Variants in CHST7 observed in about 807,000 individuals in gnomAD.
CHST7 encodes N-acetylglucosamine 6-O-sulfotransferase 4.
CHST7 carries 5 observed loss-of-function variants against 9.0 expected under a neutral mutation model. The ratio of observed to expected loss-of-function variants is 0.56; its 90% CI spans 0.29 to 1.17. The LOEUF (loss-of-function observed/expected upper bound fraction) is 1.17. Ranked by LOEUF, CHST7 falls within the 50% of genes most tolerant of loss-of-function variation. The pLI is 0.08. For missense variants in CHST7, 377 were observed against 485.1 expected, an observed-to-expected ratio of 0.78 and a Z score of 2.09; for synonymous variants, 244 against 237.1, an observed-to-expected ratio of 1.03 and a Z score of -0.27.
chrX:46,587,137 G>A (rs1358228308), intron 1 of CHST7, among the ~76,000 whole-genome samples: 1 of 111,539 alleles, frequency 9.0e-6, no homozygotes, highest in Non-Finnish European at 1.9e-5. Flanking sequence ...AAACTGGAGA[G>A]ATGTTATTAT....
chrX:46,597,045 T>A (rs149536750), intron 1 of CHST7, among the ~76,000 whole-genome samples: 215 of 112,008 alleles, frequency 1.9e-3, no homozygotes, highest in African/African-American at 6.6e-3. Flanking sequence ...TTTTAAATCA[T>A]CTTGAAACTG....
chrX:46,582,123 A>G (rs1003369564), intron 1 of CHST7, among the ~76,000 whole-genome samples: 12 of 111,382 alleles, frequency 1.1e-4, no homozygotes, highest in Admixed American at 1.9e-4. Flanking sequence ...TTTAATAGCT[A>G]TATTGTATTT....
rs1262854563 is a variant in CHST7 at position 46,573,928 on chromosome X, A to T, written c.-4A>T. The T allele has an allele frequency of 8.7e-7, 1 of 1,155,737 alleles. No homozygotes were observed. Among genetic ancestry groups the T allele is most frequent in the Non-Finnish European group, 1.1e-6 (1 of 872,691 alleles). On this transcript the variant is annotated 5_prime_UTR_variant, in exon 1 of 2. It removes the in-frame stop codon of an upstream open reading frame in the 5' UTR. Transcript: ENST00000276055. ...CCCGACCCGCTCTGGAGGGTCGGTGAACGATGAAGGGCCGGCGGCGGCGAC... is the reference window on the plus strand; with the variant it reads ...CCCGACCCGCTCTGGAGGGTCGGTGTACGATGAAGGGCCGGCGGCGGCGAC...
intron 1 of CHST7, among the ~76,000 whole-genome samples, chrX:46,593,782 T>G (rs532501752): frequency 1.3e-4 from 15 of 112,079 alleles, no homozygotes; most frequent in Middle Eastern, 4.6e-3. Flanking sequence ...TTTGAGGGTA[T>G]CTCTTTGTAT....
At chrX:46,594,694 T>G (rs1485429965) in intron 1 of CHST7, among the ~76,000 whole-genome samples, 1 of 111,538 alleles carries the variant, frequency 9.0e-6, no homozygotes, top group African/African-American at 3.3e-5. Flanking sequence ...CTTCAGGATT[T>G]TTTTGTCTTT....
At chrX:46,576,908 G>A (rs1004770510) in intron 1 of CHST7, among the ~76,000 whole-genome samples, 1 of 111,937 alleles carries the variant, frequency 8.9e-6, no homozygotes, top group African/African-American at 3.3e-5. Flanking sequence ...TAGGAAGTCT[G>A]TGTTCTTTCC....
chrX:46,591,563 C>T (rs1193601596), intron 1 of CHST7, among the ~76,000 whole-genome samples: 2 of 109,870 alleles, frequency 1.8e-5, no homozygotes, highest in Non-Finnish European at 3.8e-5. Flanking sequence ...TTAGTAGAAA[C>T]AGGGTTTCAC....
chrX:46,596,026 T>G (rs1485123172), intron 1 of CHST7, among the ~76,000 whole-genome samples: 3 of 108,629 alleles, frequency 2.8e-5, no homozygotes, highest in Non-Finnish European at 5.7e-5. Flanking sequence ...TAATCCCAGC[T>G]ACTCGGGAGG....
intron 1 of CHST7, among the ~76,000 whole-genome samples, chrX:46,587,587 A>G (rs1422942030): frequency 8.9e-6 from 1 of 112,241 alleles, no homozygotes; most frequent in African/African-American, 3.2e-5. Flanking sequence ...GGGTGCAGTT[A>G]TATTAGCAAA....
Position 46,581,557 on chromosome X carries a change from G to GAA in CHST7, c.*31+6142_*31+6143dup, listed in dbSNP as rs202221686. ...GGCGACAGAGCGAGACTCTGTCTCA[G>GAA]AAAAAAAAATTGTAGAAATAACATA... On this transcript the variant is annotated intron_variant, in intron 1 of 1. Transcript: ENST00000276055. Among the ~76,000 whole-genome samples the GAA allele has an allele frequency of 1.2e-3, 120 of 102,658 alleles. 1 individual carries two copies. Among genetic ancestry groups the GAA allele is most frequent in the South Asian group, 7.4e-3 (16 of 2,149 alleles). The allele number at this position is 102,658 out of a possible 115,157, so 89.1% of individuals were successfully genotyped here. A position where few individuals can be genotyped will look rare whatever the true frequency, so the allele number is the denominator to read the frequency against.
intron 1 of CHST7, among the ~76,000 whole-genome samples, chrX:46,590,683 A>AT (rs941639727): frequency 9.0e-6 from 1 of 111,627 alleles, no homozygotes; most frequent in African/African-American, 3.3e-5. Flanking sequence ...ACCTTATTCC[A>AT]TTTTCAGCAG....
At chrX:46,585,439 G>A (rs763599242) in intron 1 of CHST7, among the ~76,000 whole-genome samples, 5 of 110,055 alleles carry the variant, frequency 4.5e-5, no homozygotes, top group East Asian at 2.8e-4. Flanking sequence ...ACAGGCATGC[G>A]CCACCACGCC....
At chrX:46,582,787 G>T (rs1281227998) in intron 1 of CHST7, among the ~76,000 whole-genome samples, 1 of 110,925 alleles carries the variant, frequency 9.0e-6, no homozygotes, top group Non-Finnish European at 1.9e-5. Context: ...AAACAATTTG[G>T]GGACCCTATC....
chrX:46,598,383 A>ACTC lies in CHST7; in HGVS notation c.*656_*658dup, dbSNP rs1250850775. 6.2e-5 allele frequency: 7 copies of ACTC among 112,131 alleles called. No homozygotes were observed. The highest frequency in any genetic ancestry group is 2.3e-4 in the African/African-American group (7 of 30,832). 9.2% of individuals were successfully genotyped at this position (112,131 alleles called of 1,213,427 possible). ...GTTTTTGTAATCATACTATTAAATG[A>ACTC]CTCTGGAGTCATGTTAATGACAGGA... is the stretch of plus-strand genomic sequence containing the variant. On this transcript the variant is annotated 3_prime_UTR_variant, in exon 2 of 2. Transcript: ENST00000276055.
In CHST7 at chrX:46,574,315, CT is replaced by C; in HGVS notation, c.385del (p.Tyr129ThrfsTer143). The C allele has an allele frequency of 1.7e-6, 2 of 1,210,741 alleles. No individual in the cohort carries two copies. The highest frequency in any genetic ancestry group is 2.2e-6 in the Non-Finnish European group (2 of 895,060). On this transcript the variant is annotated frameshift_variant, in exon 1 of 2. Transcript: ENST00000276055. LOFTEE classifies it high-confidence loss of function. ...ELFNQHPDVF[Y>X]LYEPMWHLWQ... Reference sequence around the variant, plus strand: ...TCTTTAACCAGCACCCGGACGTTTTCTACTTGTATGAGCCCATGTGGCATCT... The same window carrying C: ...TCTTTAACCAGCACCCGGACGTTTTCACTTGTATGAGCCCATGTGGCATCT...
At chrX:46,597,729 G>A (rs893084202) in intron 1 of CHST7, 31 bp from the exon 2 acceptor site, 1 of 112,986 alleles carries the variant, frequency 8.9e-6, no homozygotes, top group African/African-American at 3.2e-5. Context: ...GTGTTCTGAA[G>A]TTCAGACGTC....
rs754310332 is a variant in CHST7, at chrX:46,574,134, G to C, written c.203G>C (p.Gly68Ala). 8.6e-7 allele frequency: 1 copy of C among 1,164,711 alleles called. No homozygotes were observed. The highest frequency in any genetic ancestry group is 1.1e-6 in the Non-Finnish European group (1 of 872,246). ...EAAAAGEREQ[G>A]AEARAAEEGG... ...GCGGCGGCCGGCGAACGCGAGCAGG[G>C]AGCGGAGGCGCGGGCCGCCGAGGAA... The change falls in exon 1 of 2, where the codon GGA becomes GCA. Residue 68 changes from glycine (G) to alanine (A), a missense_variant. By Grantham distance (60) the Gly-to-Ala change is moderately conservative. Around this residue, in one of 3 missense-constraint regions of CHST7, gnomAD observed 239 missense variants for 325.7 expected, o/e 0.73. Coordinates refer to ENST00000276055, the MANE Select transcript of CHST7 (RefSeq NM_019886.4).
Position 46,574,968 on chromosome X carries a change from A to T in CHST7, c.1037A>T (p.Glu346Val), listed in dbSNP as rs751415389. 1.7e-6 allele frequency: 2 copies of T among 1,156,847 alleles called. No individual in the cohort carries two copies. Among genetic ancestry groups the T allele is most frequent in the South Asian group, 3.9e-5 (2 of 51,512 alleles). Residue 346 changes from glutamate (E) to valine (V), a missense_variant, in exon 1 of 2, where the codon GAG becomes GTG. This residue lies in a region of CHST7 where 130 missense variants were observed against 134.9 expected (regional missense o/e 0.96). Coordinates refer to ENST00000276055, the MANE Select transcript of CHST7 (RefSeq NM_019886.4). ...GATTTCTTCCTGACCGGTGCGCTCGAGGTGATCTGCGAAGCCTGGCTGCGC... is the reference window on the plus strand; with the variant it reads ...GATTTCTTCCTGACCGGTGCGCTCGTGGTGATCTGCGAAGCCTGGCTGCGC... ...RADFFLTGAL[E>V]VICEAWLRDL...
Position 46,575,437 on chromosome X carries a change from G to A in CHST7, c.*31+14G>A. The A allele has an allele frequency of 9.9e-7, 1 of 1,008,790 alleles. No individual in the cohort carries two copies. The highest frequency in any genetic ancestry group is 1.3e-6 in the Non-Finnish European group (1 of 798,769). The allele number at this position is 1,008,790 out of a possible 1,213,427, so 83.1% of individuals were successfully genotyped here. ...GCACGGATCCGGGTAAGGTGGCCCG[G>A]GGCAAGGCAGGGACCGGGACTGGTC... On this transcript the variant is annotated intron_variant, in intron 1 of 1. Coordinates refer to ENST00000276055, the MANE Select transcript of CHST7 (RefSeq NM_019886.4).
Sources: allele counts gnomAD v4.1 joint callset (sites outside exome capture counted in the v4.1 genomes callset), GRCh38; gene constraint gnomAD v4.1.1; regional missense constraint gnomAD v4.1.1; transcripts MANE v1.5; gene names NCBI Gene and HGNC (gene_info 2026-07-23, HGNC 2026-07-21).